COL27A1: variants seen among roughly 807,000 people sequenced by gnomAD.
COL27A1 encodes collagen type XXVII alpha 1 chain.
In COL27A1, 106 loss-of-function variants were observed where a neutral mutation model predicts 251.3. The observed-to-expected ratio is 0.42, with a 90% CI of 0.36 to 0.50. The LOEUF (loss-of-function observed/expected upper bound fraction) is 0.50. Among genes scored for constraint, COL27A1 ranks in the 20% least tolerant of loss-of-function variants. The pLI is 0.00. For synonymous variants in COL27A1, 1,000 were observed against 986.3 expected (o/e 1.01, Z -0.26); for missense variants, 2,325 against 2,522.8 (o/e 0.92, Z 1.68).
chr9:114,301,619 T>G, intron 54 of COL27A1, 63 bp from the exon 55 acceptor site: 5 of 1,543,640 alleles, frequency 3.2e-6, no homozygotes, highest in Non-Finnish European at 4.4e-6. Flanking sequence ...GAGGAGGGAC[T>G]GGGTTGGGGA....
chr9:114,170,878 G>A (rs942214379), intron 3 of COL27A1, among the ~76,000 whole-genome samples: 4 of 152,178 alleles, frequency 2.6e-5, no homozygotes, highest in Non-Finnish European at 5.9e-5. Flanking sequence ...GTGCGTGCTG[G>A]GCTCAATGGC....
chr9:114,217,927 A>G (rs1203856452), intron 12 of COL27A1: 4 of 426,970 alleles, frequency 9.4e-6, no homozygotes, highest in African/African-American at 8.2e-5. Flanking sequence ...CAGCTTGGGC[A>G]ACATGGAGAA....
At position 114,228,796 on chromosome 9, in the gene COL27A1, A is replaced by G. The variant is rs544931018; in HGVS notation, c.2467-2283A>G. ...CTCACTTTCTCAGTGAGACTGTTTGATGGGACCTGAAAGCAGAATTTCTTT... is the reference window on the plus strand; with the variant it reads ...CTCACTTTCTCAGTGAGACTGTTTGGTGGGACCTGAAAGCAGAATTTCTTT... On this transcript the variant is annotated intron_variant, in intron 14 of 60. Coordinates refer to ENST00000356083, the MANE Select transcript of COL27A1 (RefSeq NM_032888.4). 1.3e-3 allele frequency among the ~76,000 whole-genome samples: 204 copies of G among 152,184 alleles called. No homozygotes were observed. The Middle Eastern group carries it at 0.014, about 10-fold the overall frequency.
intron 10 of COL27A1, among the ~76,000 whole-genome samples, chr9:114,208,555 G>A (rs887434434): frequency 6.6e-6 from 1 of 152,206 alleles, no homozygotes; most frequent in Non-Finnish European, 1.5e-5. Flanking sequence ...AGCAGGCCTG[G>A]CCTATCATTC....
At position 114,292,354 on chromosome 9, in the gene COL27A1, TATAAA is replaced by T. The variant is rs778073674; in HGVS notation, c.4584+147_4584+151del. 17 of 688,010 alleles carry T rather than the reference TATAAA, an allele frequency of 2.5e-5. No homozygotes were observed. The East Asian group carries it at 3.0e-4, about 12-fold the overall frequency. The allele number at this position is 688,010 out of a possible 1,614,324, so 42.6% of individuals were successfully genotyped here. Reference sequence around the variant, plus strand: ...GCCACCTCCTTGCTCTGTGACAAGGTATAAAATCTGGGTACCAGATACCATTCTGC... The same window carrying T: ...GCCACCTCCTTGCTCTGTGACAAGGTATCTGGGTACCAGATACCATTCTGC... On this transcript the variant is annotated intron_variant, in intron 49 of 60. Coordinates refer to ENST00000356083, the MANE Select transcript of COL27A1 (RefSeq NM_032888.4).
At chr9:114,297,076 A>T (rs1302254197) in intron 49 of COL27A1, among the ~76,000 whole-genome samples, 1 of 152,172 alleles carries the variant, frequency 6.6e-6, no homozygotes, top group Non-Finnish European at 1.5e-5. Context: ...AAGATTACAA[A>T]AGGGTGTGAG....
intron 58 of COL27A1, chr9:114,307,022 T>C: frequency 3.6e-6 from 1 of 278,722 alleles, no homozygotes; most frequent in Non-Finnish European, 6.9e-6. Flanking sequence ...CTCTCTCATC[T>C]GTGAGCTGAT....
At chr9:114,184,126 G>A (rs1198104101) in intron 5 of COL27A1, among the ~76,000 whole-genome samples, 1 of 146,318 alleles carries the variant, frequency 6.8e-6, no homozygotes, top group African/African-American at 2.5e-5. Flanking sequence ...TGTGGAGGGG[G>A]CAGATGGGCT....
chr9:114,178,987 G>A (rs928314660), intron 4 of COL27A1, among the ~76,000 whole-genome samples: 3 of 152,222 alleles, frequency 2.0e-5, no homozygotes, highest in Admixed American at 6.5e-5. Flanking sequence ...AGTAGGAAAT[G>A]GCAAAACCAG....
Position 114,270,157 on chromosome 9 carries a change from A to C in COL27A1, c.3556-571A>C, listed in dbSNP as rs1835040864. ...GGCTTACTCCAGCTCCAGTAATAGT[A>C]TCTCACATGGTTGCCAGGTATGGGG... On this transcript the variant is annotated intron_variant, in intron 35 of 60. Transcript: ENST00000356083. Among the ~76,000 whole-genome samples, 7 of 152,310 alleles carry C rather than the reference A, an allele frequency of 4.6e-5. No individual in the cohort carries two copies. In the South Asian group the frequency reaches 1.5e-3, roughly 32 times the overall value.
chr9:114,244,078 A>AC (rs1395352475), intron 23 of COL27A1, among the ~76,000 whole-genome samples: 1 of 151,974 alleles, frequency 6.6e-6, no homozygotes, highest in African/African-American at 2.4e-5. Flanking sequence ...GGTGTGCAGC[A>AC]CCACGCCCAG....
intron 27 of COL27A1, among the ~76,000 whole-genome samples, chr9:114,255,862 A>G (rs1318469509): frequency 6.6e-6 from 1 of 152,186 alleles, no homozygotes; most frequent in South Asian, 2.1e-4. Flanking sequence ...TGGCTCCCCG[A>G]CTTGCCGGCT....
intron 2 of COL27A1, among the ~76,000 whole-genome samples, chr9:114,166,443 C>CCA (rs1233014066): frequency 1.3e-4 from 17 of 135,942 alleles, no homozygotes; most frequent in Middle Eastern, 3.6e-3. Flanking sequence ...ATCCATTCAT[C>CCA]TATCCATCCA....
At chr9:114,182,177 A>AAATAAT (rs71367755) in intron 4 of COL27A1, among the ~76,000 whole-genome samples, 2 of 138,120 alleles carry the variant, frequency 1.4e-5, no homozygotes, top group African/African-American at 2.6e-5. Flanking sequence ...CATCTCTATA[A>AAATAAT]AATAATAATA....
chr9:114,230,292 T>G, intron 14 of COL27A1, among the ~76,000 whole-genome samples: 1 of 150,850 alleles, frequency 6.6e-6, no homozygotes, highest in African/African-American at 2.4e-5. Context: ...CGGTGTGGAG[T>G]TTGCAGACGG....
Position 114,310,912 on chromosome 9 carries a change from A to G in COL27A1, c.*217A>G, listed in dbSNP as rs1437147212. 2.1e-6 allele frequency: 1 copy of G among 480,494 alleles called. No homozygotes were observed. The highest frequency in any genetic ancestry group is 3.7e-6 in the Non-Finnish European group (1 of 272,044). 29.8% of individuals were successfully genotyped at this position (480,494 alleles called of 1,614,324 possible). ...GGATCCCAGCTTAGCCCCAAAGACC[A>G]ACCAAAGAGCCAGCCAGAGTAAGCT... On this transcript the variant is annotated 3_prime_UTR_variant, in exon 61 of 61. Transcript: ENST00000356083.
intron 2 of COL27A1, among the ~76,000 whole-genome samples, chr9:114,166,872 G>A (rs887128343): frequency 6.6e-6 from 1 of 152,244 alleles, no homozygotes. Flanking sequence ...CGCTTTGCCA[G>A]GGGACAGAGG....
At chr9:114,307,585 C>T (rs777941338) in intron 58 of COL27A1, 84 bp from the exon 59 acceptor site, 1 of 953,912 alleles carries the variant, frequency 1.0e-6, no homozygotes, top group Non-Finnish European at 1.7e-6. Context: ...CGGCAGGTCA[C>T]AAGATGCAGG....
intron 12 of COL27A1, 48 bp downstream of exon 12, chr9:114,211,074 C>T (rs1254060449): frequency 2.5e-6 from 4 of 1,589,796 alleles, no homozygotes; most frequent in Admixed American, 3.3e-5. Flanking sequence ...GGGAACCCCA[C>T]CTCCCACGGC....
Sources: allele counts gnomAD v4.1 joint callset (sites outside exome capture counted in the v4.1 genomes callset), GRCh38; gene constraint gnomAD v4.1.1; transcripts MANE v1.5; gene names NCBI Gene and HGNC (gene_info 2026-07-23, HGNC 2026-07-21).